The following PAPPA2 variants were observed in gnomAD, a reference collection of about 807,000 sequenced individuals.
PAPPA2 encodes pappalysin-2.
Under a neutral mutation model 176.4 loss-of-function variants are expected in PAPPA2, and 86 were observed. The ratio of observed to expected loss-of-function variants is 0.49; its 90% confidence interval spans 0.41 to 0.58. PAPPA2 has a LOEUF of 0.58. PAPPA2 is among the 20% of genes least tolerant of loss of function. The pLI, the probability that PAPPA2 is intolerant of heterozygous loss-of-function variation, is 0.00. For synonymous variants in PAPPA2, 809 were observed against 852.2 expected (o/e 0.95, Z 0.88); for missense variants, 2,073 against 2,256.9 (o/e 0.92, Z 1.65).
chr1:176,822,210 A>G (rs1360460412), intron 21 of PAPPA2, among the ~76,000 whole-genome samples: 1 of 152,176 alleles, frequency 6.6e-6, no homozygotes, highest in African/African-American at 2.4e-5. Flanking sequence ...CTTGTTTAGA[A>G]ACTTTCGATT....
chr1:176,503,389 T>C (rs1277281837), intron 1 of PAPPA2, among the ~76,000 whole-genome samples: 1 of 152,196 alleles, frequency 6.6e-6, no homozygotes, highest in East Asian at 1.9e-4. Flanking sequence ...TAATCCCATT[T>C]ACAATCTTAA....
intron 14 of PAPPA2, among the ~76,000 whole-genome samples, chr1:176,755,960 A>AATT (rs544269282): frequency 1.7e-3 from 263 of 152,074 alleles, no homozygotes; most frequent in Non-Finnish European, 3.0e-3. Flanking sequence ...TATATTTACA[A>AATT]ATTATTATTA....
Position 176,480,971 on chromosome 1 carries a change from C to T in PAPPA2, c.-917+17553C>T, listed in dbSNP as rs1652366349. 2.0e-5 allele frequency among the ~76,000 whole-genome samples: 3 copies of T among 152,176 alleles called. No individual in the cohort carries two copies. The South Asian group carries it at 6.2e-4, about 32-fold the overall frequency. On this transcript the variant is annotated intron_variant, in intron 1 of 22. Transcript: ENST00000367662. ...TCTGGGAGTACTCCTCTCTCCTAGG[C>T]CTGCACCTCCACCCCACAGCGCTTT...
chr1:176,807,641 A>G (rs1298615960), intron 21 of PAPPA2, among the ~76,000 whole-genome samples: 2 of 151,908 alleles, frequency 1.3e-5, no homozygotes, highest in East Asian at 3.9e-4. Context: ...GACTACAGGC[A>G]TGTGCCACCA....
intron 3 of PAPPA2, among the ~76,000 whole-genome samples, chr1:176,668,350 A>G (rs566369181): frequency 6.6e-6 from 1 of 152,288 alleles, no homozygotes; most frequent in East Asian, 1.9e-4. Flanking sequence ...CTTTTAATAC[A>G]AAGTTCTGGT....
At chr1:176,728,434 A>G (rs977251248) in intron 12 of PAPPA2, among the ~76,000 whole-genome samples, 6 of 151,922 alleles carry the variant, frequency 3.9e-5, no homozygotes, top group African/African-American at 1.4e-4. Context: ...AGTAGCAATA[A>G]AAATGGTAAA....
intron 21 of PAPPA2, among the ~76,000 whole-genome samples, chr1:176,825,216 G>A (rs937194538): frequency 6.6e-6 from 1 of 151,888 alleles, no homozygotes; most frequent in Non-Finnish European, 1.5e-5. Flanking sequence ...AATAACTTAC[G>A]TGTTTTGCTC....
intron 3 of PAPPA2, among the ~76,000 whole-genome samples, chr1:176,629,287 TATC>T (rs1251266673): frequency 6.6e-6 from 1 of 152,222 alleles, no homozygotes; most frequent in African/African-American, 2.4e-5. Context: ...AAGGTAGCCT[TATC>T]ATCATTTAAT....
chr1:176,668,253 A>G (rs373467839), intron 3 of PAPPA2, among the ~76,000 whole-genome samples: 2 of 152,300 alleles, frequency 1.3e-5, no homozygotes, highest in East Asian at 3.9e-4. Context: ...AGGGATACAT[A>G]TAGGTGAGTA....
chr1:176,514,337 C>A (rs561239430), intron 1 of PAPPA2, among the ~76,000 whole-genome samples: 1 of 152,232 alleles, frequency 6.6e-6, no homozygotes, highest in Non-Finnish European at 1.5e-5. Flanking sequence ...GAGAGGGAAC[C>A]CACTAGTTAC....
intron 14 of PAPPA2, among the ~76,000 whole-genome samples, chr1:176,762,945 A>C (rs1051914126): frequency 6.6e-6 from 1 of 152,192 alleles, no homozygotes; most frequent in Non-Finnish European, 1.5e-5. Context: ...CAACTTATAC[A>C]TAATAAACAT....
intron 2 of PAPPA2, among the ~76,000 whole-genome samples, chr1:176,584,761 G>T (rs1278519638): frequency 1.3e-5 from 2 of 151,894 alleles, no homozygotes; most frequent in African/African-American, 2.4e-5. Flanking sequence ...TTGAGATGGT[G>T]TCTTGCTCTG....
chr1:176,749,254 A>G (rs1458499932), intron 14 of PAPPA2, among the ~76,000 whole-genome samples: 1 of 152,230 alleles, frequency 6.6e-6, no homozygotes, highest in South Asian at 2.1e-4. Flanking sequence ...GTGCCATTTA[A>G]AAGAGCATTG....
At chr1:176,816,186 A>G (rs1330998526) in intron 21 of PAPPA2, among the ~76,000 whole-genome samples, 9 of 126,428 alleles carry the variant, frequency 7.1e-5, no homozygotes, top group Non-Finnish European at 1.5e-4. Flanking sequence ...ATATATATAT[A>G]TATATATATA....
chr1:176,649,461 AG>A (rs1657591923), intron 3 of PAPPA2, among the ~76,000 whole-genome samples: 1 of 146,018 alleles, frequency 6.8e-6, no homozygotes, highest in Non-Finnish European at 1.5e-5. Context: ...TCCTAATTTG[AG>A]GTTTGGTTTG....
intron 2 of PAPPA2, among the ~76,000 whole-genome samples, chr1:176,566,806 C>CA (rs1249764879): frequency 6.6e-6 from 1 of 152,080 alleles, no homozygotes; most frequent in African/African-American, 2.4e-5. Flanking sequence ...ATGTGTGTGC[C>CA]AGGAGGTCTG....
intron 2 of PAPPA2, among the ~76,000 whole-genome samples, chr1:176,590,729 A>G (rs886446237): frequency 2.0e-5 from 3 of 152,088 alleles, no homozygotes; most frequent in African/African-American, 7.2e-5. Context: ...CTTTTTTTTG[A>G]GATGATACAG....
intron 9 of PAPPA2, among the ~76,000 whole-genome samples, chr1:176,704,149 G>A (rs971161963): frequency 1.3e-5 from 2 of 150,738 alleles, no homozygotes; most frequent in East Asian, 2.0e-4. Context: ...GGGGTGGAGG[G>A]CTCTTTCCCT....
chr1:176,617,067 A>G (rs921323670), intron 3 of PAPPA2, among the ~76,000 whole-genome samples: 1 of 146,772 alleles, frequency 6.8e-6, no homozygotes, highest in Admixed American at 6.7e-5. Context: ...GTGGATTTCA[A>G]TTCAACACTT....
Sources: gnomAD v4.1 joint callset for allele counts (sites outside exome capture counted in the v4.1 genomes callset) on GRCh38, gnomAD v4.1.1 for gene constraint, MANE v1.5 for transcripts, NCBI Gene and HGNC (gene_info 2026-07-23, HGNC 2026-07-21) for gene names.